CFAP70: variants seen among roughly 807,000 people sequenced by gnomAD.
CFAP70 encodes cilia and flagella associated protein 70, also known as cilia- and flagella-associated protein 70.
CFAP70 carries 81 observed loss-of-function variants against 137.6 expected under a neutral mutation model. That is an observed-to-expected ratio of 0.59 (90% confidence interval 0.49 to 0.71). The LOEUF (loss-of-function observed/expected upper bound fraction) is 0.71. Among genes scored for constraint, CFAP70 ranks in the 30% least tolerant of loss-of-function variants. The pLI, the probability that CFAP70 is intolerant of heterozygous loss-of-function variation, is 0.00. For synonymous variants in CFAP70, 382 were observed against 423.6 expected (o/e 0.90, Z 1.20); for missense variants, 976 against 1,226.7 (o/e 0.80, Z 3.05).
chr10:73,345,546 C>T (rs1180565662), intron 4 of CFAP70, among the ~76,000 whole-genome samples: 1 of 152,140 alleles, frequency 6.6e-6, no homozygotes, highest in Non-Finnish European at 1.5e-5. Context: ...TGGCTCACTC[C>T]TGTAATCCCA....
chr10:73,267,302 G>A (rs1265951299), intron 25 of CFAP70, among the ~76,000 whole-genome samples: 1 of 152,184 alleles, frequency 6.6e-6, no homozygotes, highest in African/African-American at 2.4e-5. Context: ...GCTGTTGGCT[G>A]GAGTGGTTCA....
Position 73,310,257 on chromosome 10 carries a change from G to T in CFAP70, c.1165-8C>A. The stretch of plus-strand genomic sequence containing the variant: ...CCCTGCTTCTACATATTGCTGTAAA[G>T]ACATTGTTTTCTTATTATTTCCAGA... On this transcript the variant is annotated splice_region_variant and splice_polypyrimidine_tract_variant and intron_variant, in intron 11 of 26. Transcript: ENST00000310715. The T allele has an allele frequency of 6.3e-7, 1 of 1,580,052 alleles. No individual in the cohort carries two copies. Among genetic ancestry groups the T allele is most frequent in the Non-Finnish European group, 8.6e-7 (1 of 1,161,244 alleles).
Position 73,343,586 on chromosome 10 carries a change from G to A in CFAP70, c.399+1479C>T, listed in dbSNP as rs950793712. Reference sequence around the variant, plus strand: ...TAGCTGGGCGTGGTAGTGGGCACCTGTAGTTCCAGCTACTCAGGAGGCTGA... The same window carrying A: ...TAGCTGGGCGTGGTAGTGGGCACCTATAGTTCCAGCTACTCAGGAGGCTGA... On this transcript the variant is annotated intron_variant, in intron 5 of 26. Transcript: ENST00000310715. Among the ~76,000 whole-genome samples the A allele has an allele frequency of 7.2e-5, 11 of 152,222 alleles. 1 individual carries two copies. The highest frequency in any genetic ancestry group is 4.1e-4 in the South Asian group (2 of 4,826).
At chr10:73,310,069 A>G (rs781480855) in intron 12 of CFAP70, 89 bp downstream of exon 13, 66 of 798,642 alleles carry the variant, frequency 8.3e-5, no homozygotes, top group Non-Finnish European at 1.1e-4. Context: ...TGCTTAGCCC[A>G]AGGGAAATTA....
intron 19 of CFAP70, chr10:73,279,129 C>T (rs2047043594): frequency 6.6e-6 from 1 of 152,128 alleles, no homozygotes. Flanking sequence ...GGCCCCTGCA[C>T]AAGGATGACT....
chr10:73,353,860 C>G (rs2054471130), intron 2 of CFAP70, 118 bp from the exon 3 acceptor site: 2 of 842,350 alleles, frequency 2.4e-6, no homozygotes, highest in South Asian at 3.4e-5. Flanking sequence ...TAACGAGCAA[C>G]ATCACAAATA....
intron 6 of CFAP70, among the ~76,000 whole-genome samples, chr10:73,336,557 TG>T (rs1042988191): frequency 1.3e-5 from 2 of 151,832 alleles, no homozygotes; most frequent in African/African-American, 4.8e-5. Context: ...GAGAAACATT[TG>T]CAAGTGTGTT....
At chr10:73,289,774 G>C (rs574094063) in intron 19 of CFAP70, among the ~76,000 whole-genome samples, 5 of 152,002 alleles carry the variant, frequency 3.3e-5, no homozygotes, top group Admixed American at 6.6e-5. Context: ...GGCTGGTCGT[G>C]GTGGCTTATG....
chr10:73,289,183 A>G (rs930417958), intron 19 of CFAP70, among the ~76,000 whole-genome samples: 1 of 152,238 alleles, frequency 6.6e-6, no homozygotes, highest in Admixed American at 6.5e-5. Context: ...ATGATTACAT[A>G]AAGATGATGA....
At chr10:73,279,930 A>C (rs2047137576) in intron 19 of CFAP70, among the ~76,000 whole-genome samples, 1 of 151,484 alleles carries the variant, frequency 6.6e-6, no homozygotes, top group African/African-American at 2.4e-5. Flanking sequence ...AAGTATATGA[A>C]AAAAAAAAGA....
At chr10:73,351,727 A>G (rs183511681) in intron 3 of CFAP70, among the ~76,000 whole-genome samples, 399 of 152,320 alleles carry the variant, frequency 2.6e-3, no homozygotes, top group African/African-American at 8.5e-3. Context: ...CACTGTGCCC[A>G]GCCCATTATG....
intron 12 of CFAP70, among the ~76,000 whole-genome samples, chr10:73,302,378 A>G (rs1237493041): frequency 1.3e-5 from 2 of 152,202 alleles, no homozygotes; most frequent in East Asian, 1.9e-4. Flanking sequence ...TTAAATGCTG[A>G]TGACAGGTCA....
intron 12 of CFAP70, among the ~76,000 whole-genome samples, chr10:73,309,458 G>C (rs1473762094): frequency 1.3e-5 from 2 of 152,058 alleles, no homozygotes; most frequent in Non-Finnish European, 2.9e-5. Flanking sequence ...GGTGAGTAGA[G>C]ATCTGGATGT....
At chr10:73,333,796 T>A (rs997397450) in intron 7 of CFAP70, among the ~76,000 whole-genome samples, 5 of 152,168 alleles carry the variant, frequency 3.3e-5, no homozygotes. Context: ...TCAAAAAACT[T>A]GTATCAACAT....
intron 6 of CFAP70, among the ~76,000 whole-genome samples, chr10:73,336,777 A>T (rs1201963508): frequency 6.6e-6 from 1 of 151,374 alleles, no homozygotes; most frequent in Non-Finnish European, 1.5e-5. Flanking sequence ...TTTAGTAGAG[A>T]CAGGGTTTCA....
Position 73,289,295 on chromosome 10 carries a change from T to A in CFAP70, c.2239+1931A>T, listed in dbSNP as rs150148722. The stretch of plus-strand genomic sequence containing the variant: ...TTAATTAATTTATTTATTATTATTA[T>A]TTTTTTTTGAGATGGAGTCTCACTC... On this transcript the variant is annotated intron_variant, in intron 19 of 26. Transcript: ENST00000310715. Among the ~76,000 whole-genome samples, 1,095 of 138,226 alleles carry A rather than the reference T, an allele frequency of 7.9e-3. 19 individuals are homozygous for A. Among genetic ancestry groups the A allele is most frequent in the African/African-American group, 0.035 (1,037 of 29,802 alleles). 90.7% of individuals were successfully genotyped at this position (138,226 alleles called of 152,430 possible). A position where few individuals can be genotyped will look rare whatever the true frequency, so the allele number is the denominator to read the frequency against.
At position 73,357,923 on chromosome 10, in the gene CFAP70, C is replaced by T. The variant is rs2054793878; in HGVS notation, c.-40+791G>A. 4.6e-5 allele frequency among the ~76,000 whole-genome samples: 7 copies of T among 152,226 alleles called. No individual in the cohort carries two copies. In the South Asian group the frequency reaches 1.4e-3, roughly 31 times the overall value. On this transcript the variant is annotated intron_variant, in intron 1 of 26. Coordinates refer to ENST00000310715, the Ensembl canonical transcript of CFAP70. Reference sequence around the variant, plus strand: ...TTAGCACTTTACACGTCTTTTGTGGCATTACCACAAGCTGTCCTGTTTATG... The same window carrying T: ...TTAGCACTTTACACGTCTTTTGTGGTATTACCACAAGCTGTCCTGTTTATG...
chr10:73,308,086 C>T (rs1177050968), intron 12 of CFAP70, among the ~76,000 whole-genome samples: 2 of 151,772 alleles, frequency 1.3e-5, no homozygotes, highest in Non-Finnish European at 2.9e-5. Context: ...ACCCGGGAGG[C>T]AGAGGTTGCG....
intron 3 of CFAP70, 94 bp from the exon 4 acceptor site, chr10:73,348,615 GT>G: frequency 1.2e-6 from 1 of 818,812 alleles, no homozygotes; most frequent in Non-Finnish European, 1.8e-6. Context: ...AGATATGTAA[GT>G]TAAAAAAAAA....
Sources: allele counts gnomAD v4.1 joint callset (sites outside exome capture counted in the v4.1 genomes callset), GRCh38; gene constraint gnomAD v4.1.1; transcripts MANE v1.5; gene names NCBI Gene and HGNC (gene_info 2026-07-23, HGNC 2026-07-21).